CD226: variants seen among roughly 807,000 people sequenced by gnomAD.
CD226 encodes CD226 molecule.
Under a neutral mutation model 34.9 loss-of-function variants are expected in CD226, and 24 were observed. The ratio of observed to expected loss-of-function variants is 0.69; its 90% CI spans 0.50 to 0.97. The LOEUF (loss-of-function observed/expected upper bound fraction) is 0.97, where lower values mean the gene tolerates loss of function less well. CD226 is among the 50% of genes least tolerant of loss of function. The pLI, the probability that CD226 is intolerant of heterozygous loss-of-function variation, is 0.00. For missense variants in CD226, 397 were observed against 412.7 expected, an observed-to-expected ratio of 0.96 and a Z score of 0.33; for synonymous variants, 148 against 147.4, an observed-to-expected ratio of 1.00 and a Z score of -0.03.
intron 2 of CD226, among the ~76,000 whole-genome samples, chr18:69,930,267 G>C (rs2145330647): frequency 6.6e-6 from 1 of 152,274 alleles, no homozygotes; most frequent in East Asian, 1.9e-4. Flanking sequence ...TGCAAGTCTA[G>C]ACACTTAGAT....
intron 2 of CD226, among the ~76,000 whole-genome samples, chr18:69,919,311 C>T (rs762302755): frequency 6.6e-6 from 1 of 152,126 alleles, no homozygotes; most frequent in Non-Finnish European, 1.5e-5. Flanking sequence ...TTTAAACATT[C>T]CAGAAACGCT....
chr18:69,943,941 A>G (rs2050963919), intron 2 of CD226, among the ~76,000 whole-genome samples: 1 of 150,658 alleles, frequency 6.6e-6, no homozygotes, highest in African/African-American at 2.4e-5. Flanking sequence ...CTTACAATCC[A>G]TTATACAAAC....
At chr18:69,929,295 G>A (rs1200179980) in intron 2 of CD226, among the ~76,000 whole-genome samples, 1 of 150,162 alleles carries the variant, frequency 6.7e-6, no homozygotes, top group African/African-American at 2.5e-5. Flanking sequence ...GGTGTGGATC[G>A]TGAGGACACC....
rs999594782 is a variant in CD226, at chr18:69,892,145, GGACAT to G, written c.727+3551_727+3555del. On this transcript the variant is annotated intron_variant, in intron 3 of 5. Coordinates refer to ENST00000582621, the MANE Select transcript of CD226 (RefSeq NM_001303618.2). ...TCACTGGTGGAAGACGATTATACAA[GGACAT>G]GAGTAATTATACTTATCAATAGCAA... 2.0e-5 allele frequency among the ~76,000 whole-genome samples: 3 copies of G among 152,150 alleles called. No individual in the cohort carries two copies. In the East Asian group the frequency reaches 5.8e-4, roughly 29 times the overall value.
chr18:69,897,098 C>T (rs982467296), intron 2 of CD226, among the ~76,000 whole-genome samples: 6 of 152,194 alleles, frequency 3.9e-5, no homozygotes, highest in Non-Finnish European at 7.3e-5. Context: ...AATTCCCCCT[C>T]TTCACTCCAG....
Position 69,873,261 on chromosome 18 carries a change from A to T in CD226, c.728-15T>A. 7.2e-7 allele frequency: 1 copy of T among 1,385,652 alleles called. No individual in the cohort carries two copies. Among genetic ancestry groups the T allele is most frequent in the African/African-American group, 1.4e-5 (1 of 70,110 alleles). The allele number at this position is 1,385,652 out of a possible 1,614,324, so 85.8% of individuals were successfully genotyped here. ...ATCGGTTTTACCTAGGAGAGAAAAA[A>T]AATATTGTAGGAATTAGGAATTCAG... On this transcript the variant is annotated splice_polypyrimidine_tract_variant and intron_variant, in intron 3 of 5. Transcript: ENST00000582621.
intron 3 of CD226, among the ~76,000 whole-genome samples, chr18:69,883,619 G>T (rs954644424): frequency 6.6e-6 from 1 of 152,056 alleles, no homozygotes; most frequent in African/African-American, 2.4e-5. Context: ...TAAAAACTTG[G>T]TACATAAAAG....
At chr18:69,915,434 G>A (rs551420957) in intron 2 of CD226, among the ~76,000 whole-genome samples, 1 of 152,138 alleles carries the variant, frequency 6.6e-6, no homozygotes, top group East Asian at 1.9e-4. Context: ...AAGCAAAGAT[G>A]AAATGGAGAA....
intron 5 of CD226, among the ~76,000 whole-genome samples, chr18:69,865,890 T>G (rs1317629773): frequency 6.6e-6 from 1 of 152,172 alleles, no homozygotes; most frequent in African/African-American, 2.4e-5. Flanking sequence ...AATTGGGGAA[T>G]TTTTTGTCTT....
At chr18:69,916,399 T>C (rs2055386414) in intron 2 of CD226, among the ~76,000 whole-genome samples, 2 of 152,158 alleles carry the variant, frequency 1.3e-5, no homozygotes, top group Non-Finnish European at 2.9e-5. Flanking sequence ...TCCCAAAATA[T>C]AGTTCGGATG....
intron 2 of CD226, among the ~76,000 whole-genome samples, chr18:69,921,010 C>T (rs962130003): frequency 2.0e-4 from 31 of 152,106 alleles, no homozygotes; most frequent in Middle Eastern, 3.2e-3. Flanking sequence ...AGGTCACTGC[C>T]GTCACAGGAC....
At chr18:69,872,070 G>GTGTGTA (rs1323900707) in intron 4 of CD226, among the ~76,000 whole-genome samples, 1 of 151,410 alleles carries the variant, frequency 6.6e-6, no homozygotes, top group Non-Finnish European at 1.5e-5. Context: ...GTGTGTGTGT[G>GTGTGTA]TGTGTGTGTG....
chr18:69,855,619 A>C lies in CD226; in HGVS notation c.*8695T>G, dbSNP rs1982588814. 1 of 152,092 alleles carries C rather than the reference A, an allele frequency of 6.6e-6. No homozygotes were observed. Among genetic ancestry groups the C allele is most frequent in the African/African-American group, 2.4e-5 (1 of 41,398 alleles). 9.4% of individuals were successfully genotyped at this position (152,092 alleles called of 1,614,324 possible). ...AGGTAGCTCAGATAACACTAAATAG[A>C]ATAAATACCAAAAAAAAGAGGGGAA... On this transcript the variant is annotated 3_prime_UTR_variant, in exon 6 of 6. Transcript: ENST00000582621.
intron 3 of CD226, among the ~76,000 whole-genome samples, chr18:69,877,239 T>C (rs1419809095): frequency 6.6e-6 from 1 of 152,194 alleles, no homozygotes; most frequent in African/African-American, 2.4e-5. Flanking sequence ...TTGGTTAATC[T>C]GGTGGAGCCA....
intron 2 of CD226, among the ~76,000 whole-genome samples, chr18:69,930,637 C>T (rs970833315): frequency 1.1e-4 from 17 of 152,172 alleles, no homozygotes; most frequent in Non-Finnish European, 2.5e-4. Context: ...CTTGTCTTGT[C>T]GAGACCTCTA....
At chr18:69,946,414 G>C (rs895515354) in intron 2 of CD226, among the ~76,000 whole-genome samples, 8 of 152,064 alleles carry the variant, frequency 5.3e-5, no homozygotes, top group Admixed American at 5.2e-4. Flanking sequence ...AACCCTGAAA[G>C]GATCCTGAAC....
intron 4 of CD226, among the ~76,000 whole-genome samples, chr18:69,868,689 T>C (rs1983299872): frequency 1.3e-5 from 2 of 152,198 alleles, no homozygotes; most frequent in Admixed American, 1.3e-4. Context: ...TCTATGATCT[T>C]TGACCTTTTA....
intron 2 of CD226, among the ~76,000 whole-genome samples, chr18:69,936,065 G>C (rs1599023418): frequency 6.6e-6 from 1 of 152,286 alleles, no homozygotes; most frequent in East Asian, 1.9e-4. Context: ...AGGAGGTAGA[G>C]AGAAACCCAG....
At chr18:69,961,740 T>G (rs549083116), upstream of CD226, 2 of 152,212 alleles carry the variant, frequency 1.3e-5, no homozygotes, top group African/African-American at 4.8e-5. Flanking sequence ...CCTTAAGGAC[T>G]CCAGACCTCA....
Sources: gnomAD v4.1 joint callset for allele counts (sites outside exome capture counted in the v4.1 genomes callset) on GRCh38, gnomAD v4.1.1 for gene constraint, MANE v1.5 for transcripts, NCBI Gene and HGNC (gene_info 2026-07-23, HGNC 2026-07-21) for gene names.